The following TBC1D19 variants were observed in gnomAD, a reference collection of about 807,000 sequenced individuals.
TBC1D19 encodes the protein TBC1 domain family member 19.
In TBC1D19, 60 loss-of-function variants were observed where a neutral mutation model predicts 89.0. That is an observed-to-expected ratio of 0.67 (90% CI 0.55 to 0.84). The LOEUF (loss-of-function observed/expected upper bound fraction) is 0.84, where lower values mean the gene tolerates loss of function less well. Among genes scored for constraint, TBC1D19 ranks in the 40% least tolerant of loss-of-function variants. The pLI is 0.00. For synonymous variants in TBC1D19, 189 were observed against 199.7 expected (o/e 0.95, Z 0.45); for missense variants, 500 against 610.8 (o/e 0.82, Z 1.91).
intron 1 of TBC1D19, among the ~76,000 whole-genome samples, chr4:26,590,551 C>G (rs1052122480): frequency 6.6e-6 from 1 of 152,014 alleles, no homozygotes; most frequent in Non-Finnish European, 1.5e-5. Flanking sequence ...TGGAAGAATT[C>G]TTCAATGAAG....
chr4:26,742,124 T>C (rs1014950817), intron 17 of TBC1D19, among the ~76,000 whole-genome samples: 1 of 152,158 alleles, frequency 6.6e-6, no homozygotes, highest in African/African-American at 2.4e-5. Flanking sequence ...GGGAAATAAC[T>C]GGAAACTGGA....
chr4:26,842,175 TC>T, the TBC1D19 span, among the ~76,000 whole-genome samples: 1 of 151,974 alleles, frequency 6.6e-6, no homozygotes, highest in Admixed American at 6.6e-5. Context: ...TGCTGATGGT[TC>T]CCCACTACAT....
chr4:26,776,388 T>G, the TBC1D19 span, among the ~76,000 whole-genome samples: 1 of 152,214 alleles, frequency 6.6e-6, no homozygotes, highest in Non-Finnish European at 1.5e-5. Context: ...TCACATATAA[T>G]AGTCTTAAGA....
chr4:26,630,783 C>A (rs1742760169), intron 4 of TBC1D19, among the ~76,000 whole-genome samples: 1 of 151,398 alleles, frequency 6.6e-6, no homozygotes, highest in African/African-American at 2.4e-5. Flanking sequence ...ACTACATTTA[C>A]TCACTGGTCC....
At chr4:26,690,727 ATATTACTGCTCAT>A (rs1172277378) in intron 13 of TBC1D19, among the ~76,000 whole-genome samples, 1 of 152,224 alleles carries the variant, frequency 6.6e-6, no homozygotes, top group African/African-American at 2.4e-5. Flanking sequence ...TCATTTCAAA[ATATTACTGCTCAT>A]TCACAATGCA....
the TBC1D19 span, among the ~76,000 whole-genome samples, chr4:26,838,230 A>C: frequency 1.3e-5 from 2 of 152,096 alleles, no homozygotes; most frequent in Non-Finnish European, 2.9e-5. Context: ...AGAATGGGCC[A>C]GTTGTTGGAC....
At chr4:26,647,457 C>T (rs1161764987) in intron 7 of TBC1D19, among the ~76,000 whole-genome samples, 2 of 152,146 alleles carry the variant, frequency 1.3e-5, no homozygotes, top group African/African-American at 2.4e-5. Context: ...TTTGTCACCA[C>T]CACTGCTATA....
At chr4:26,813,494 G>A in the TBC1D19 span, among the ~76,000 whole-genome samples, 15 of 151,976 alleles carry the variant, frequency 9.9e-5, no homozygotes, top group African/African-American at 3.4e-4. Flanking sequence ...ATGCGAATGC[G>A]TTTTTTTATA....
chr4:26,592,507 G>T (rs1739886491), intron 1 of TBC1D19, among the ~76,000 whole-genome samples: 1 of 150,534 alleles, frequency 6.6e-6, no homozygotes, highest in Non-Finnish European at 1.5e-5. Context: ...GCAGGTTAAA[G>T]AAATAAAGGG....
At chr4:26,585,099 A>G (rs1033879367) in intron 1 of TBC1D19, 3 of 406,706 alleles carry the variant, frequency 7.4e-6, no homozygotes, top group South Asian at 1.8e-5. Flanking sequence ...AAGCTGATAT[A>G]TACATTCTAG....
At chr4:26,668,903 C>T (rs187479794) in intron 9 of TBC1D19, among the ~76,000 whole-genome samples, 2 of 151,294 alleles carry the variant, frequency 1.3e-5, no homozygotes, top group African/African-American at 4.9e-5. Context: ...ACTATAGAAT[C>T]CTTATTTAAC....
intron 2 of TBC1D19, 126 bp from the exon 3 acceptor site, chr4:26,614,282 G>A (rs1741544010): frequency 3.2e-6 from 2 of 619,360 alleles, no homozygotes; most frequent in Non-Finnish European, 5.5e-6. Flanking sequence ...ATAGGGATTG[G>A]CAGTTGACAA....
the TBC1D19 span, among the ~76,000 whole-genome samples, chr4:26,793,343 G>A: frequency 6.6e-6 from 1 of 152,122 alleles, no homozygotes; most frequent in Non-Finnish European, 1.5e-5. Context: ...AACAAAAGTG[G>A]GAGTTTATTT....
intron 1 of TBC1D19, among the ~76,000 whole-genome samples, chr4:26,595,118 T>A (rs925632898): frequency 7.9e-5 from 12 of 152,234 alleles, no homozygotes; most frequent in African/African-American, 2.9e-4. Context: ...TATCACTGTT[T>A]TGGATTTTAG....
chr4:26,706,999 TGTA>T (rs1002216279), intron 13 of TBC1D19, among the ~76,000 whole-genome samples: 1 of 152,098 alleles, frequency 6.6e-6, no homozygotes, highest in African/African-American at 2.4e-5. Context: ...ATGTGTATGC[TGTA>T]GTTCTTGGGT....
intron 4 of TBC1D19, among the ~76,000 whole-genome samples, chr4:26,623,670 T>A (rs1177554263): frequency 1.3e-5 from 2 of 152,144 alleles, no homozygotes; most frequent in Non-Finnish European, 2.9e-5. Context: ...TTCCTGAACT[T>A]CCTGTTTTTG....
chr4:26,598,183 T>C (rs1577772934), intron 1 of TBC1D19, among the ~76,000 whole-genome samples: 1 of 152,346 alleles, frequency 6.6e-6, no homozygotes, highest in East Asian at 1.9e-4. Context: ...CAAATAAGTA[T>C]ATACAGTCCA....
At chr4:26,627,620 T>C (rs1742512530) in intron 4 of TBC1D19, among the ~76,000 whole-genome samples, 1 of 152,122 alleles carries the variant, frequency 6.6e-6, no homozygotes, top group South Asian at 2.1e-4. Context: ...TGGTTTTGAT[T>C]TGCATTTCTC....
rs574516267 is a variant in TBC1D19 at position 26,604,440 on chromosome 4, T to C, written c.100-8729T>C. Among the ~76,000 whole-genome samples, 400 of 150,388 alleles carry C rather than the reference T, an allele frequency of 2.7e-3. 4 individuals are homozygous for C. Among genetic ancestry groups the C allele is most frequent in the African/African-American group, 8.7e-3 (360 of 41,168 alleles). Reference sequence around the variant, plus strand: ...GTGCTGGGATTACAGGCGTGAGCCATCGCGCCCGGCCAGAATTTTCTTTTT... The same window carrying C: ...GTGCTGGGATTACAGGCGTGAGCCACCGCGCCCGGCCAGAATTTTCTTTTT... On this transcript the variant is annotated intron_variant, in intron 1 of 20. Transcript: ENST00000264866.
Sources: gnomAD v4.1 joint callset for allele counts (sites outside exome capture counted in the v4.1 genomes callset) on GRCh38, gnomAD v4.1.1 for gene constraint, MANE v1.5 for transcripts, NCBI Gene and HGNC (gene_info 2026-07-23, HGNC 2026-07-21) for gene names.